The following TEX15 variants were observed in gnomAD, a reference collection of about 807,000 sequenced individuals.
TEX15 encodes testis expressed 15, meiosis and synapsis associated, also known as testis-expressed protein 15.
Under a neutral mutation model 237.3 loss-of-function variants are expected in TEX15, and 171 were observed. The observed-to-expected ratio is 0.72, with a 90% CI of 0.64 to 0.82. The LOEUF is 0.82. TEX15 is among the 40% of genes least tolerant of loss of function. The pLI, the probability that TEX15 is intolerant of heterozygous loss-of-function variation, is 0.00. For synonymous variants in TEX15, 1,338 were observed against 1,269.8 expected (o/e 1.05, Z -1.14); for missense variants, 3,750 against 3,646.5 (o/e 1.03, Z -0.73).
rs141901491 is a variant in TEX15, at chr8:30,877,124, G to T, written c.137-2022C>A. Among the ~76,000 whole-genome samples the T allele has an allele frequency of 3.8e-4, 58 of 152,260 alleles. 1 individual carries two copies. Among genetic ancestry groups the T allele is most frequent in the Non-Finnish European group, 4.4e-5 (3 of 68,026 alleles). ...CAATGTAGCACCATCACTAGGAAAA[G>T]AACACTTATTGCAGTATGAGAGCTG... On this transcript the variant is annotated intron_variant, in intron 3 of 10. Coordinates refer to ENST00000643185, the MANE Select transcript of TEX15 (RefSeq NM_001350162.2).
chr8:30,838,773 C>CATATATAT (rs34610592), intron 9 of TEX15, among the ~76,000 whole-genome samples: 8 of 65,474 alleles, frequency 1.2e-4, no homozygotes, highest in Non-Finnish European at 1.3e-4. Context: ...TATATAAAAA[C>CATATATAT]ATATATATAT....
Position 30,912,971 on chromosome 8 carries a change from A to G in TEX15, c.-178T>C, listed in dbSNP as rs1423598008. 1 of 152,390 alleles carries G rather than the reference A, an allele frequency of 6.6e-6. No individual in the cohort carries two copies. Among genetic ancestry groups the G allele is most frequent in the African/African-American group, 2.4e-5 (1 of 41,470 alleles). 9.4% of individuals were successfully genotyped at this position (152,390 alleles called of 1,614,324 possible). ...ACTGCCTTCCCTGGAAGCCTCAGGAACACAGCAGCACCCCCCAGCGAGGTG... is the reference window on the plus strand; with the variant it reads ...ACTGCCTTCCCTGGAAGCCTCAGGAGCACAGCAGCACCCCCCAGCGAGGTG... On this transcript the variant is annotated 5_prime_UTR_variant, in exon 1 of 11. Transcript: ENST00000643185.
In TEX15 at chr8:30,888,606, G is replaced by A. The variant is rs779582606; in HGVS notation, c.-9-1295C>T. 5 of 1,287,960 alleles carry A rather than the reference G, an allele frequency of 3.9e-6. No individual in the cohort carries two copies. The South Asian group carries it at 6.2e-5, about 16-fold the overall frequency. The allele number at this position is 1,287,960 out of a possible 1,614,324, so 79.8% of individuals were successfully genotyped here. On this transcript the variant is annotated intron_variant, in intron 2 of 10. Coordinates refer to ENST00000643185, the MANE Select transcript of TEX15 (RefSeq NM_001350162.2). ...GAAAGCTATGGAGTATACACACAGG[G>A]AAATATATATAAGCAGGTATTTTTC...
In TEX15 at chr8:30,842,580, A is replaced by C. The variant is rs1286002179; in HGVS notation, c.7587T>G (p.Asn2529Lys). ...KKDLDIICKY[N>K]EAVNCSYAIH... Reference sequence around the variant, plus strand: ...TAGCATATGAGCAATTAACAGCTTCATTATATTTGCAGATAATATCCAGAT... The same window carrying C: ...TAGCATATGAGCAATTAACAGCTTCCTTATATTTGCAGATAATATCCAGAT... The change falls in exon 8 of 11, where the codon AAT (asparagine) becomes AAG (lysine). Residue 2529 changes from asparagine to lysine, a missense_variant. Coordinates refer to ENST00000643185, the MANE Select transcript of TEX15 (RefSeq NM_001350162.2). 2 of 1,610,582 alleles carry C rather than the reference A, an allele frequency of 1.2e-6. No individual in the cohort carries two copies. The highest frequency in any genetic ancestry group is 2.2e-5 in the South Asian group (2 of 90,832).
chr8:30,902,157 C>T (rs915697604), intron 1 of TEX15, among the ~76,000 whole-genome samples: 1 of 151,580 alleles, frequency 6.6e-6, no homozygotes, highest in Non-Finnish European at 1.5e-5. Flanking sequence ...TTGAGATCCG[C>T]TGGTCTAAGA....
Position 30,907,443 on chromosome 8 carries a change from C to CAATGTATATATAAATTATATACAA in TEX15, c.-86+5412_-86+5435dup, listed in dbSNP as rs59547825. Among the ~76,000 whole-genome samples the CAATGTATATATAAATTATATACAA allele has an allele frequency of 3.1e-4, 37 of 120,570 alleles. 1 individual carries two copies. The highest frequency in any genetic ancestry group is 6.7e-4 in the African/African-American group (20 of 29,804). 79.1% of individuals were successfully genotyped at this position (120,570 alleles called of 152,430 possible). On this transcript the variant is annotated intron_variant, in intron 1 of 10. Coordinates refer to ENST00000643185, the MANE Select transcript of TEX15 (RefSeq NM_001350162.2). ...AGGATGCCTGGCTAATTTATATATA[C>CAATGTATATATAAATTATATACAA]AATGTATATATAAATTATATACAAA...
chr8:30,842,366 C>A lies in TEX15; in HGVS notation c.7801G>T (p.Ala2601Ser). ...FSTLLKNVMS[A>S]PRKDLGKMAH... is the part of the protein sequence containing the mutation. ...ATTTTTCCTAAATCTTTCCTAGGGG[C>A]AGACATTACATTCTTCAGCAGTGTA... The change falls in exon 8 of 11, where the codon GCC becomes TCC. Residue 2601 changes from alanine to serine, a missense_variant. Transcript: ENST00000643185. 2 of 1,613,762 alleles carry A rather than the reference C, an allele frequency of 1.2e-6. No homozygotes were observed. The highest frequency in any genetic ancestry group is 8.5e-7 in the Non-Finnish European group (1 of 1,179,836).
intron 8 of TEX15, among the ~76,000 whole-genome samples, chr8:30,841,649 G>C (rs1210584495): frequency 1.3e-5 from 2 of 152,116 alleles, no homozygotes; most frequent in African/African-American, 4.8e-5. Context: ...CGGGGCATAG[G>C]CTTGTTATAC....
In TEX15 at chr8:30,842,173, C is replaced by A; in HGVS notation, c.7994G>T (p.Gly2665Val). The A allele has an allele frequency of 6.2e-7, 1 of 1,612,342 alleles. No individual in the cohort carries two copies. Among genetic ancestry groups the A allele is most frequent in the Non-Finnish European group, 8.5e-7 (1 of 1,179,412 alleles). ...EKMNIHIVKP[G>V]ENNNKFSIST... Reference sequence around the variant, plus strand: ...AATACTAAATTTATTGTTATTTTCCCCAGGTTTTACAATATGAATATTCAT... The same window carrying A: ...AATACTAAATTTATTGTTATTTTCCACAGGTTTTACAATATGAATATTCAT... The change falls in exon 8 of 11, where the codon GGG becomes GTG. Residue 2665 changes from glycine (G) to valine (V), a missense_variant. Gly to Val is a moderately radical substitution (Grantham distance 109). Transcript: ENST00000643185.
At position 30,896,723 on chromosome 8, in the gene TEX15, G is replaced by A. The variant is rs1808913427; in HGVS notation, c.-10+2019C>T. ...TATCAAAAGAAAGCCTCATACATTA[G>A]AATGCACTACACATCTCTAAACCCT... On this transcript the variant is annotated intron_variant, in intron 2 of 10. Transcript: ENST00000643185. 3.9e-5 allele frequency among the ~76,000 whole-genome samples: 6 copies of A among 152,110 alleles called. No individual in the cohort carries two copies. In the South Asian group the frequency reaches 1.2e-3, roughly 32 times the overall value.
At chr8:30,853,063 G>A (rs1381635067) in intron 7 of TEX15, among the ~76,000 whole-genome samples, 2 of 152,174 alleles carry the variant, frequency 1.3e-5, no homozygotes, top group African/African-American at 4.8e-5. Context: ...ATGACTGTGG[G>A]CATAATATAG....
rs536611565 is a variant in TEX15 at position 30,899,684 on chromosome 8, C to T, written c.-85-867G>A. On this transcript the variant is annotated intron_variant, in intron 1 of 10. Coordinates refer to ENST00000643185, the MANE Select transcript of TEX15 (RefSeq NM_001350162.2). The stretch of plus-strand genomic sequence containing the variant: ...AACTCCTGACCTCTAGTGATCTGTC[C>T]GCCTCAGCCTGCCAAAGTGCTGGGA... Among the ~76,000 whole-genome samples the T allele has an allele frequency of 3.6e-4, 55 of 152,234 alleles. No individual in the cohort carries two copies. The East Asian group carries it at 5.6e-3, about 16-fold the overall frequency.
rs151160591 is a variant in TEX15 at position 30,844,310 on chromosome 8, G to A, written c.5857C>T (p.Leu1953=). ...EIAYISKPGI[L]GVNHTPILPA... is the part of the protein sequence containing the mutation. ...AAAATAGGCGTATGATTAACTCCTA[G>A]AATTCCTGGTTTGGAAATATAGGCT... Residue 1953 remains leucine (L), a synonymous_variant, in exon 8 of 11, where the codon CTA becomes TTA. Coordinates refer to ENST00000643185, the MANE Select transcript of TEX15 (RefSeq NM_001350162.2). 1 of 1,613,348 alleles carries A rather than the reference G, an allele frequency of 6.2e-7. No homozygotes were observed. The highest frequency in any genetic ancestry group is 8.5e-7 in the Non-Finnish European group (1 of 1,179,532).
chr8:30,904,102 C>T (rs16877505), intron 1 of TEX15, among the ~76,000 whole-genome samples: 55,399 of 152,104 alleles, frequency 0.36, 15,496 homozygotes, highest in African/African-American at 0.78. Flanking sequence ...AATGACACAA[C>T]TTTCAAGGGA....
At chr8:30,860,871 G>A (rs1808036344) in intron 5 of TEX15, among the ~76,000 whole-genome samples, 1 of 151,950 alleles carries the variant, frequency 6.6e-6, no homozygotes, top group African/African-American at 2.4e-5. Flanking sequence ...TTTTAAAAAT[G>A]GGGTTTAATT....
intron 3 of TEX15, among the ~76,000 whole-genome samples, chr8:30,878,700 A>G (rs1432332542): frequency 2.6e-5 from 4 of 151,864 alleles, no homozygotes; most frequent in Non-Finnish European, 5.9e-5. Context: ...GTGCTTACTT[A>G]TTTTTTTAAA....
chr8:30,850,560 T>C (rs1339087006), intron 7 of TEX15, among the ~76,000 whole-genome samples: 6 of 152,196 alleles, frequency 3.9e-5, no homozygotes, highest in African/African-American at 1.4e-4. Context: ...TGTGATTTTA[T>C]TACTTACAGT....
intron 7 of TEX15, among the ~76,000 whole-genome samples, chr8:30,854,735 T>C (rs1412795019): frequency 6.6e-6 from 1 of 151,292 alleles, no homozygotes; most frequent in Non-Finnish European, 1.5e-5. Context: ...GACACAAAAA[T>C]CCCCAATAAA....
intron 10 of TEX15, among the ~76,000 whole-genome samples, chr8:30,835,166 G>A (rs1227210074): frequency 6.6e-6 from 1 of 151,844 alleles, no homozygotes; most frequent in African/African-American, 2.4e-5. Flanking sequence ...GTGCAGTGGC[G>A]CGATCTCGGC....
Sources: allele counts gnomAD v4.1 joint callset (sites outside exome capture counted in the v4.1 genomes callset), GRCh38; gene constraint gnomAD v4.1.1; transcripts MANE v1.5; gene names NCBI Gene and HGNC (gene_info 2026-07-23, HGNC 2026-07-21).